Variants in CHST11 observed in about 807,000 individuals in gnomAD.
CHST11 encodes carbohydrate sulfotransferase 11, also known as C4S-1.
CHST11 carries 9 observed loss-of-function variants against 30.4 expected under a neutral mutation model. The ratio of observed to expected loss-of-function variants is 0.30; its 90% CI spans 0.18 to 0.52. The LOEUF (loss-of-function observed/expected upper bound fraction) is 0.52, where lower values mean the gene tolerates loss of function less well. Ranked by LOEUF, CHST11 falls within the 20% of genes least tolerant of loss-of-function variation. The probability of loss-of-function intolerance (pLI) is 0.97; values close to 1 mark genes in which losing one functional copy is unlikely to be tolerated. For synonymous variants in CHST11, 152 were observed against 187.8 expected (o/e 0.81, Z 1.56); for missense variants, 348 against 460.6 (o/e 0.76, Z 2.24).
intron 1 of CHST11, among the ~76,000 whole-genome samples, chr12:104,581,980 G>A (rs1222366584): frequency 2.0e-5 from 3 of 152,178 alleles, no homozygotes; most frequent in Admixed American, 6.5e-5. Context: ...GGGATGGGAC[G>A]GAGGGAGGTG....
rs138844244 is a variant in CHST11 at position 104,654,930 on chromosome 12, T to G, written c.204+52939T>G. ...AGTGGTCATAGCATCCTCATTATAA[T>G]GACTGAATGAAAGAAACTTGAAGCA... On this transcript the variant is annotated intron_variant, in intron 2 of 2. Coordinates refer to ENST00000303694, the MANE Select transcript of CHST11 (RefSeq NM_018413.6). Among the ~76,000 whole-genome samples, 319 of 152,270 alleles carry G rather than the reference T, an allele frequency of 2.1e-3. 1 individual carries two copies. Among genetic ancestry groups the G allele is most frequent in the African/African-American group, 7.1e-3 (296 of 41,542 alleles).
At chr12:104,561,749 A>T (rs559057124) in intron 1 of CHST11, among the ~76,000 whole-genome samples, 1 of 151,546 alleles carries the variant, frequency 6.6e-6, no homozygotes, top group Non-Finnish European at 1.5e-5. Context: ...ATTTCTGGTT[A>T]ATCCTCACAA....
chr12:104,561,327 C>G (rs937866219), intron 1 of CHST11, among the ~76,000 whole-genome samples: 6 of 152,172 alleles, frequency 3.9e-5, no homozygotes, highest in African/African-American at 1.4e-4. Flanking sequence ...TCCATGTAGC[C>G]CAGGATGGCT....
At position 104,533,572 on chromosome 12, in the gene CHST11, C is replaced by T. The variant is rs12297080; in HGVS notation, c.119-68334C>T. ...TTTGTTTCCTGCCATCTCCCCTTAA[C>T]CTGGACTTGACAACTAAAAAAATGA... On this transcript the variant is annotated intron_variant, in intron 1 of 2. Transcript: ENST00000303694. 4.5e-3 allele frequency among the ~76,000 whole-genome samples: 691 copies of T among 152,266 alleles called. 7 individuals are homozygous for T. Among genetic ancestry groups the T allele is most frequent in the African/African-American group, 0.016 (647 of 41,526 alleles).
At chr12:104,606,932 G>A (rs528449814) in intron 2 of CHST11, among the ~76,000 whole-genome samples, 1 of 152,166 alleles carries the variant, frequency 6.6e-6, no homozygotes, top group Non-Finnish European at 1.5e-5. Context: ...GCCCGGCATG[G>A]TGGCTCGTGC....
intron 1 of CHST11, among the ~76,000 whole-genome samples, chr12:104,460,356 A>G (rs1385725274): frequency 6.6e-6 from 1 of 152,062 alleles, no homozygotes; most frequent in Non-Finnish European, 1.5e-5. Context: ...AGGGTATGAG[A>G]GGAGGGAGAG....
chr12:104,668,389 C>T (rs1304814252), intron 2 of CHST11, among the ~76,000 whole-genome samples: 1 of 152,140 alleles, frequency 6.6e-6, no homozygotes, highest in Admixed American at 6.5e-5. Context: ...TCTAAGGTCA[C>T]GGGTGTTAAA....
Position 104,458,283 on chromosome 12 carries a change from C to A in CHST11, c.118+754C>A, listed in dbSNP as rs539147456. 6.6e-6 allele frequency among the ~76,000 whole-genome samples: 1 copy of A among 152,316 alleles called. No homozygotes were observed. Among genetic ancestry groups the A allele is most frequent in the Non-Finnish European group, 1.5e-5 (1 of 68,018 alleles). On this transcript the variant is annotated intron_variant, in intron 1 of 2. Coordinates refer to ENST00000303694, the MANE Select transcript of CHST11 (RefSeq NM_018413.6). The surrounding 1 kb of genome is among the most constrained non-coding windows in gnomAD (Gnocchi z 5.7). ...CTCCTGGGTCACGCCTTGACCACTG[C>A]AGTTTTGGAGGAAACTTTGGCCAGG...
intron 1 of CHST11, among the ~76,000 whole-genome samples, chr12:104,571,806 C>A (rs313315): frequency 0.68 from 103,573 of 152,068 alleles, 35,622 homozygotes; most frequent in East Asian, 0.89. Flanking sequence ...TTCAAAGGGA[C>A]TGCTTCCAGT....
At chr12:104,720,353 C>A (rs75226817) in intron 2 of CHST11, among the ~76,000 whole-genome samples, 1 of 152,248 alleles carries the variant, frequency 6.6e-6, no homozygotes, top group Non-Finnish European at 1.5e-5. Context: ...CACAGCCTCA[C>A]GATCGTGAGA....
chr12:104,724,474 A>AT (rs1291451175), intron 2 of CHST11, among the ~76,000 whole-genome samples: 4 of 151,244 alleles, frequency 2.6e-5, no homozygotes, highest in Admixed American at 6.6e-5. Context: ...TTTCACCACC[A>AT]TTTTTTTTTA....
intron 2 of CHST11, among the ~76,000 whole-genome samples, chr12:104,741,070 C>A (rs571927727): frequency 6.6e-6 from 1 of 152,388 alleles, no homozygotes; most frequent in South Asian, 2.1e-4. Flanking sequence ...GTATTGGGCA[C>A]CAAGTGCCTG....
At chr12:104,480,104 A>G (rs924487853) in intron 1 of CHST11, among the ~76,000 whole-genome samples, 16 of 152,100 alleles carry the variant, frequency 1.1e-4, no homozygotes, top group Non-Finnish European at 4.4e-5. Context: ...AAAAGGTTCT[A>G]TACTTTAGTT....
At chr12:104,468,270 A>G (rs1471109000) in intron 1 of CHST11, among the ~76,000 whole-genome samples, 1 of 152,176 alleles carries the variant, frequency 6.6e-6, no homozygotes, top group Non-Finnish European at 1.5e-5. Flanking sequence ...AACCAATGAA[A>G]TAGTAAAGAT....
Position 104,757,695 on chromosome 12 carries a change from A to G in CHST11, c.951A>G (p.Glu317=), listed in dbSNP as rs761251103. ...STRTTDEMTT[E]FFQNISSEHQ... Reference sequence around the variant, plus strand: ...GAACTACTGATGAAATGACCACAGAATTCTTCCAGAACATCAGCTCAGAGC... The same window carrying G: ...GAACTACTGATGAAATGACCACAGAGTTCTTCCAGAACATCAGCTCAGAGC... The change falls in exon 3 of 3, where the codon GAA becomes GAG. Residue 317 remains glutamate (E), a synonymous_variant. Coordinates refer to ENST00000303694, the MANE Select transcript of CHST11 (RefSeq NM_018413.6). The surrounding 1 kb of genome is among the most constrained non-coding windows in gnomAD (Gnocchi z 6.5). The G allele has an allele frequency of 1.2e-6, 2 of 1,614,200 alleles. No individual in the cohort carries two copies. Among genetic ancestry groups the G allele is most frequent in the African/African-American group, 2.7e-5 (2 of 75,052 alleles).
rs370869612 is a variant in CHST11 at position 104,618,857 on chromosome 12, G to A, written c.204+16866G>A. ...TCTGGAGCTTGTTTATTGCTCATGGGACCAGGCGAGGCCACCTCCACCAGC... is the reference window on the plus strand; with the variant it reads ...TCTGGAGCTTGTTTATTGCTCATGGAACCAGGCGAGGCCACCTCCACCAGC... On this transcript the variant is annotated intron_variant, in intron 2 of 2. Transcript: ENST00000303694. Among the ~76,000 whole-genome samples the A allele has an allele frequency of 3.3e-5, 5 of 152,296 alleles. No individual in the cohort carries two copies. The South Asian group carries it at 1.0e-3, about 32-fold the overall frequency.
chr12:104,498,758 A>C (rs748443468), intron 1 of CHST11, among the ~76,000 whole-genome samples: 10 of 152,202 alleles, frequency 6.6e-5, no homozygotes, highest in Non-Finnish European at 1.5e-4. Context: ...GATTCAGTTC[A>C]AAGACTTGGA....
intron 1 of CHST11, among the ~76,000 whole-genome samples, chr12:104,576,845 A>G (rs2038687568): frequency 6.6e-6 from 1 of 152,106 alleles, no homozygotes; most frequent in African/African-American, 2.4e-5. Flanking sequence ...GGCTGCGCTG[A>G]GGGACATTCA....
intron 1 of CHST11, among the ~76,000 whole-genome samples, chr12:104,584,747 T>C (rs1275164033): frequency 1.3e-5 from 2 of 152,244 alleles, no homozygotes; most frequent in African/African-American, 2.4e-5. Context: ...TCCAAGATTA[T>C]AGGAATAATT....
Sources: allele counts gnomAD v4.1 joint callset (sites outside exome capture counted in the v4.1 genomes callset), GRCh38; gene constraint gnomAD v4.1.1; non-coding constraint Gnocchi (gnomAD v3.1); transcripts MANE v1.5; gene names NCBI Gene and HGNC (gene_info 2026-07-23, HGNC 2026-07-21).